The following KALRN variants were observed in gnomAD, a reference collection of about 807,000 sequenced individuals.
KALRN encodes the protein kalirin RhoGEF kinase.
A neutral mutation model predicts 353.7 loss-of-function variants in KALRN; 70 were observed. The ratio of observed to expected loss-of-function variants is 0.20; its 90% confidence interval spans 0.16 to 0.24. The LOEUF (loss-of-function observed/expected upper bound fraction) is 0.24, where lower values mean the gene tolerates loss of function less well. Ranked by LOEUF, KALRN falls within the 10% of genes least tolerant of loss-of-function variation. The pLI is 1.00. For missense variants in KALRN, 2,791 were observed against 3,756.7 expected (o/e 0.74, Z 6.72); for synonymous variants, 1,391 against 1,434.8 (o/e 0.97, Z 0.69).
rs1376143446 is a variant in KALRN, at chr3:124,326,099, C to A, written c.1212C>A (p.Ser404Arg). Residue 404 changes from serine (S) to arginine (R), a missense_variant, in exon 7 of 60, where the codon AGC becomes AGA. Around this residue, in one of 11 missense-constraint regions of KALRN, gnomAD observed 366 missense variants for 489.2 expected, o/e 0.75. Transcript: ENST00000682506. ...ISTQLDQEWK[S>R]FAAALDERST... ...CCCAGCTGGACCAGGAGTGGAAGAG[C>A]TTCGCTGCTGCCCTGGATGAACGCA... 1 of 1,613,946 alleles carries A rather than the reference C, an allele frequency of 6.2e-7. No homozygotes were observed. The highest frequency in any genetic ancestry group is 1.6e-4 in the Middle Eastern group (1 of 6,062).
intron 1 of KALRN, among the ~76,000 whole-genome samples, chr3:124,110,898 A>G (rs1410997687): frequency 6.6e-6 from 1 of 151,848 alleles, no homozygotes; most frequent in African/African-American, 2.4e-5. Context: ...CTGCTTTCCT[A>G]CTCCTCCTGG....
rs1395318707 is a variant in KALRN, at chr3:124,439,200, T to TTACACACACACACACACACACA, written c.3198+163_3198+164insTACACACACACACACACACACA. Among the ~76,000 whole-genome samples, 353 of 98,930 alleles carry TTACACACACACACACACACACA rather than the reference T, an allele frequency of 3.6e-3. 10 individuals carry two copies. Among genetic ancestry groups the TTACACACACACACACACACACA allele is most frequent in the African/African-American group, 0.011 (320 of 28,396 alleles). The allele number at this position is 98,930 out of a possible 152,430, so 64.9% of individuals were successfully genotyped here. ...TCCTTCTTCTCCTTCTCTCTCTCTC[T>TTACACACACACACACACACACA]CACACACACACACACACACACACAC... On this transcript the variant is annotated intron_variant, in intron 18 of 59. Coordinates refer to ENST00000682506, the MANE Select transcript of KALRN (RefSeq NM_001388419.1).
At chr3:124,154,820 A>G (rs2068731193) in intron 1 of KALRN, among the ~76,000 whole-genome samples, 1 of 152,172 alleles carries the variant, frequency 6.6e-6, no homozygotes, top group African/African-American at 2.4e-5. Flanking sequence ...CTAAGCCAAA[A>G]GAACAAAGCT....
In KALRN at chr3:124,666,766, T is replaced by C. The variant is rs2085684736; in HGVS notation, c.6531+132T>C. Reference sequence around the variant, plus strand: ...CTTTCAGCCGAATAACATTCGGTCATGGAGGCTGCACGACAGTGATTATCT... The same window carrying C: ...CTTTCAGCCGAATAACATTCGGTCACGGAGGCTGCACGACAGTGATTATCT... On this transcript the variant is annotated intron_variant, in intron 46 of 59. Coordinates refer to ENST00000682506, the MANE Select transcript of KALRN (RefSeq NM_001388419.1). 1.1e-5 allele frequency: 9 copies of C among 788,236 alleles called. No homozygotes were observed. The Admixed American group carries it at 1.4e-4, about 13-fold the overall frequency. The allele number at this position is 788,236 out of a possible 1,614,324, so 48.8% of individuals were successfully genotyped here. A position where few individuals can be genotyped will look rare whatever the true frequency, so the allele number is the denominator to read the frequency against.
At chr3:124,294,507 A>T (rs1458558821) in intron 5 of KALRN, among the ~76,000 whole-genome samples, 1 of 140,934 alleles carries the variant, frequency 7.1e-6, no homozygotes, top group Non-Finnish European at 1.5e-5. Context: ...GCTGAGACTA[A>T]GAAGATTCTC....
intron 34 of KALRN, among the ~76,000 whole-genome samples, chr3:124,628,705 A>G (rs1168655455): frequency 6.8e-6 from 1 of 147,932 alleles, no homozygotes; most frequent in Non-Finnish European, 1.5e-5. Flanking sequence ...CCTCCCAAGT[A>G]GCTAGGATTT....
chr3:124,258,607 G>C (rs1194473406), intron 3 of KALRN, among the ~76,000 whole-genome samples: 1 of 152,168 alleles, frequency 6.6e-6, no homozygotes, highest in Non-Finnish European at 1.5e-5. Flanking sequence ...CCACTTGTGT[G>C]CACATCAGCT....
At chr3:124,294,055 G>A (rs2076635767) in intron 5 of KALRN, among the ~76,000 whole-genome samples, 1 of 152,082 alleles carries the variant, frequency 6.6e-6, no homozygotes. Flanking sequence ...AGAAGAAAGA[G>A]GAGGTAGAGA....
intron 1 of KALRN, among the ~76,000 whole-genome samples, chr3:124,094,324 G>A (rs2061299013): frequency 6.6e-6 from 1 of 152,256 alleles, no homozygotes. Flanking sequence ...GGTCCCTACA[G>A]TGAGGCAGTG....
intron 1 of KALRN, among the ~76,000 whole-genome samples, chr3:124,186,793 C>T (rs2074281592): frequency 6.6e-6 from 1 of 152,146 alleles, no homozygotes; most frequent in African/African-American, 2.4e-5. Context: ...TAACTCGTTC[C>T]TTTGACTTAA....
intron 33 of KALRN, among the ~76,000 whole-genome samples, chr3:124,547,800 A>G (rs2069901132): frequency 1.6e-5 from 2 of 127,674 alleles, no homozygotes; most frequent in Non-Finnish European, 3.1e-5. Flanking sequence ...CTTTTGGCTC[A>G]AGCAGGGGAC....
intron 38 of KALRN, among the ~76,000 whole-genome samples, chr3:124,654,739 G>A (rs2083811220): frequency 6.6e-6 from 1 of 152,176 alleles, no homozygotes; most frequent in South Asian, 2.1e-4. Flanking sequence ...GCACAACTGG[G>A]TTCAAATCCT....
chr3:124,340,955 C>CA (rs1056759592), intron 9 of KALRN, among the ~76,000 whole-genome samples: 10 of 151,234 alleles, frequency 6.6e-5, no homozygotes, highest in East Asian at 3.9e-4. Context: ...GACTTCATTT[C>CA]AAAAAAAAGA....
At chr3:124,065,766 A>C (rs2042304255) in intron 1 of KALRN, among the ~76,000 whole-genome samples, 1 of 152,168 alleles carries the variant, frequency 6.6e-6, no homozygotes, top group Admixed American at 6.5e-5. Flanking sequence ...TTCCTACTGC[A>C]CAGGGTTGTG....
intron 42 of KALRN, 64 bp from the exon 43 acceptor site, chr3:124,659,301 C>G: frequency 9.3e-7 from 1 of 1,075,102 alleles, no homozygotes; most frequent in Non-Finnish European, 1.5e-6. Flanking sequence ...GCCTTTGAAC[C>G]CTTATTCAAA....
At chr3:124,649,965 AAATAAT>A (rs71145473) in intron 37 of KALRN, among the ~76,000 whole-genome samples, 25,333 of 143,344 alleles carry the variant, frequency 0.18, 2,473 homozygotes, top group African/African-American at 0.27. Context: ...CTCTAAAATA[AAATAAT>A]AATAATAATA....
At chr3:124,638,443 C>G (rs974022817) in intron 37 of KALRN, among the ~76,000 whole-genome samples, 2 of 152,036 alleles carry the variant, frequency 1.3e-5, no homozygotes, top group African/African-American at 2.4e-5. Flanking sequence ...GAGTTAAGTA[C>G]TCTTCTGGGC....
At chr3:124,441,299 G>C (rs2093657673) in intron 18 of KALRN, among the ~76,000 whole-genome samples, 1 of 152,232 alleles carries the variant, frequency 6.6e-6, no homozygotes, top group Non-Finnish European at 1.5e-5. Flanking sequence ...AGTAGGCTGA[G>C]AGTGAATGTT....
chr3:124,401,688 G>T (rs2090895526), intron 13 of KALRN, among the ~76,000 whole-genome samples: 2 of 152,084 alleles, frequency 1.3e-5, no homozygotes, highest in Admixed American at 6.5e-5. Flanking sequence ...CTCTGGTGTA[G>T]GCTATAACGT....
Sources: gnomAD v4.1 joint callset for allele counts (sites outside exome capture counted in the v4.1 genomes callset) on GRCh38, gnomAD v4.1.1 for gene constraint, gnomAD v4.1.1 regional missense constraint, MANE v1.5 for transcripts, NCBI Gene and HGNC (gene_info 2026-07-23, HGNC 2026-07-21) for gene names.